TRMT11: variants seen among roughly 807,000 people sequenced by gnomAD.
TRMT11 encodes tRNA (guanine(10)-N(2))-methyltransferase TRMT11.
Under a neutral mutation model 62.8 loss-of-function variants are expected in TRMT11, and 53 were observed. The ratio of observed to expected loss-of-function variants is 0.84; its 90% CI spans 0.68 to 1.06. The LOEUF (loss-of-function observed/expected upper bound fraction) is 1.06. Ranked by LOEUF, TRMT11 falls within the 50% of genes least tolerant of loss-of-function variation. The pLI is 0.00. For missense variants in TRMT11, 556 were observed against 553.4 expected (o/e 1.00, Z -0.05); for synonymous variants, 188 against 190.3 (o/e 0.99, Z 0.10).
At chr6:126,021,694 T>C (rs1019860332) in intron 12 of TRMT11, among the ~76,000 whole-genome samples, 1 of 152,198 alleles carries the variant, frequency 6.6e-6, no homozygotes, top group Non-Finnish European at 1.5e-5. Flanking sequence ...AGAAAGTAAA[T>C]GTCCCCAGTT....
chr6:126,099,912 C>T (rs745654952), intron 17 of TRMT11, among the ~76,000 whole-genome samples: 7 of 152,152 alleles, frequency 4.6e-5, no homozygotes, highest in Non-Finnish European at 1.0e-4. Flanking sequence ...GGCACCTGCA[C>T]CAGACTGGGT....
chr6:126,257,659 T>G, the TRMT11 span, among the ~76,000 whole-genome samples: 1 of 152,180 alleles, frequency 6.6e-6, no homozygotes, highest in Non-Finnish European at 1.5e-5. Flanking sequence ...TTTTTATTAT[T>G]TTTATTTTTA....
intron 17 of TRMT11, among the ~76,000 whole-genome samples, chr6:126,104,524 C>T (rs990716449): frequency 1.2e-4 from 19 of 152,212 alleles, no homozygotes; most frequent in African/African-American, 4.1e-4. Context: ...GATTGTGGCT[C>T]AGTGGGCCTG....
At chr6:126,176,854 G>A (rs114285502), upstream of TRMT11, among the ~76,000 whole-genome samples, 758 of 152,176 alleles carry the variant, frequency 5.0e-3, 4 homozygotes, top group African/African-American at 0.017. Context: ...CTTGATATAT[G>A]AACAGTGTTC....
At chr6:126,044,976 A>G (rs1004358066) in intron 16 of TRMT11, among the ~76,000 whole-genome samples, 1 of 152,102 alleles carries the variant, frequency 6.6e-6, no homozygotes, top group Non-Finnish European at 1.5e-5. Flanking sequence ...ACCTGAGGTC[A>G]GGAGTTTGAG....
intron 1 of TRMT11, among the ~76,000 whole-genome samples, chr6:125,993,387 T>C (rs1300682697): frequency 6.6e-6 from 1 of 152,196 alleles, no homozygotes; most frequent in Non-Finnish European, 1.5e-5. Context: ...GGCTGATTAT[T>C]TTTTTCTTTT....
chr6:126,117,721 G>A (rs189309178), intron 21 of TRMT11, among the ~76,000 whole-genome samples: 88 of 152,088 alleles, frequency 5.8e-4, no homozygotes, highest in African/African-American at 2.0e-3. Flanking sequence ...GGAAAACAAG[G>A]AAACAAACAA....
At chr6:126,118,114 T>C (rs1321497844) in intron 21 of TRMT11, among the ~76,000 whole-genome samples, 1 of 152,108 alleles carries the variant, frequency 6.6e-6, no homozygotes, top group Non-Finnish European at 1.5e-5. Context: ...CTTGAAGAGA[T>C]TCAGGCCCCA....
chr6:126,052,326 GA>G (rs1776243413), intron 16 of TRMT11, among the ~76,000 whole-genome samples: 1 of 152,070 alleles, frequency 6.6e-6, no homozygotes, highest in Admixed American at 6.6e-5. Flanking sequence ...TCCAGACGCA[GA>G]AAAAGAAAAA....
chr6:126,207,873 G>A (rs1778804756), downstream of TRMT11, among the ~76,000 whole-genome samples: 1 of 152,124 alleles, frequency 6.6e-6, no homozygotes, highest in African/African-American at 2.4e-5. Flanking sequence ...GTGAACTCAA[G>A]CTTAAAACTA....
At chr6:126,130,211 G>A (rs1254682530) in intron 21 of TRMT11, among the ~76,000 whole-genome samples, 2 of 152,070 alleles carry the variant, frequency 1.3e-5, no homozygotes, top group Non-Finnish European at 2.9e-5. Context: ...GGAGGTAGAA[G>A]AGAGAAAGAT....
chr6:126,072,396 G>A (rs1043531021), intron 17 of TRMT11, among the ~76,000 whole-genome samples: 1 of 152,130 alleles, frequency 6.6e-6, no homozygotes, highest in Non-Finnish European at 1.5e-5. Flanking sequence ...AAGGAAATCG[G>A]TGTTATTTCT....
At chr6:126,264,131 T>C in the TRMT11 span, among the ~76,000 whole-genome samples, 5 of 152,206 alleles carry the variant, frequency 3.3e-5, no homozygotes, top group African/African-American at 7.2e-5. Flanking sequence ...TGGAGCCTTA[T>C]GTCAAGTTAA....
intron 7 of TRMT11, among the ~76,000 whole-genome samples, chr6:126,005,753 A>G (rs1203151991): frequency 3.3e-5 from 5 of 152,118 alleles, no homozygotes; most frequent in African/African-American, 1.2e-4. Flanking sequence ...ATAAATGTCA[A>G]ATTCTTTGTT....
chr6:126,031,737 G>A (rs1774235046), intron 12 of TRMT11, among the ~76,000 whole-genome samples: 1 of 152,134 alleles, frequency 6.6e-6, no homozygotes, highest in South Asian at 2.1e-4. Context: ...CTTACCTACT[G>A]AACAGTTTCA....
At chr6:126,224,540 G>A in the TRMT11 span, among the ~76,000 whole-genome samples, 1 of 152,120 alleles carries the variant, frequency 6.6e-6, no homozygotes, top group Non-Finnish European at 1.5e-5. Context: ...GGTTTTCCTG[G>A]TCCTCTGGCA....
At chr6:126,117,577 T>G (rs1184816568) in intron 21 of TRMT11, among the ~76,000 whole-genome samples, 1 of 152,016 alleles carries the variant, frequency 6.6e-6, no homozygotes, top group Non-Finnish European at 1.5e-5. Flanking sequence ...ATTATATTAG[T>G]TTTTTTGCAT....
the TRMT11 span, among the ~76,000 whole-genome samples, chr6:126,240,891 C>T: frequency 4.6e-5 from 7 of 152,366 alleles, no homozygotes; most frequent in South Asian, 6.2e-4. Flanking sequence ...TGTTTACCTA[C>T]TCAAGCCTCG....
intron 7 of TRMT11, among the ~76,000 whole-genome samples, chr6:126,002,902 A>G (rs746744802): frequency 6.6e-6 from 1 of 152,212 alleles, no homozygotes; most frequent in East Asian, 1.9e-4. Flanking sequence ...TTTCTTACAC[A>G]AAAGGTATCA....
Sources: gnomAD v4.1 joint callset for allele counts (sites outside exome capture counted in the v4.1 genomes callset) on GRCh38, gnomAD v4.1.1 for gene constraint, MANE v1.5 for transcripts, NCBI Gene and HGNC (gene_info 2026-07-23, HGNC 2026-07-21) for gene names.